The following ARLN variants were observed in gnomAD, a reference collection of about 807,000 sequenced individuals.
The protein encoded by ARLN is sarcoplasmic/endoplasmic reticulum calcium ATPase regulator ARLN.
At chr4:119,302,297 C>T in the ARLN span, among the ~76,000 whole-genome samples, 3 of 152,208 alleles carry the variant, frequency 2.0e-5, no homozygotes, top group Non-Finnish European at 4.4e-5. Context: ...GAGTCAGGAA[C>T]GTCTGCCAGA....
the ARLN span, chr4:119,300,942 T>TC: frequency 5.0e-6 from 4 of 798,932 alleles, no homozygotes; most frequent in Non-Finnish European, 3.8e-6. Flanking sequence ...TCCGTTTGGA[T>TC]CCTTATGCCA....
chr4:119,300,706 G>A, the ARLN span: 2 of 1,528,502 alleles, frequency 1.3e-6, no homozygotes, highest in Non-Finnish European at 1.8e-6. Flanking sequence ...CAGGCGCCTG[G>A]CTCGGCTTTC....
the ARLN span, chr4:119,300,414 T>C: frequency 1.2e-6 from 2 of 1,613,812 alleles, no homozygotes; most frequent in Admixed American, 3.3e-5. Flanking sequence ...GTAGGAGTGT[T>C]TGGGAAGCCC....
chr4:119,298,806 A>G, the ARLN span: 2 of 774,342 alleles, frequency 2.6e-6, no homozygotes, highest in Admixed American at 3.4e-5. Flanking sequence ...TTTGTCAGCA[A>G]TATGTGCTTT....
chr4:119,301,003 G>T, the ARLN span: 1 of 483,572 alleles, frequency 2.1e-6, no homozygotes, highest in Non-Finnish European at 3.6e-6. Flanking sequence ...TCTAGCATTT[G>T]ACACTTAATA....
the ARLN span, chr4:119,300,739 A>T: frequency 3.3e-6 from 5 of 1,510,056 alleles, no homozygotes; most frequent in Non-Finnish European, 4.4e-6. Context: ...GACCGCTGGC[A>T]TGAAGCGCGG....
the ARLN span, among the ~76,000 whole-genome samples, chr4:119,301,138 G>T: frequency 6.7e-6 from 1 of 150,254 alleles, no homozygotes; most frequent in Admixed American, 6.7e-5. Context: ...ACCTGGCCGC[G>T]CCCCCCTGTA....
the ARLN span, chr4:119,300,620 G>A: frequency 2.5e-6 from 4 of 1,596,612 alleles, no homozygotes; most frequent in East Asian, 6.8e-5. Flanking sequence ...CGGAAACTGA[G>A]CGGAGTCCGG....
At chr4:119,300,741 G>C in the ARLN span, 2 of 1,508,862 alleles carry the variant, frequency 1.3e-6, no homozygotes, top group Non-Finnish European at 1.8e-6. Flanking sequence ...CCGCTGGCAT[G>C]AAGCGCGGCC....
chr4:119,304,255 A>T, the ARLN span: 1 of 1,533,660 alleles, frequency 6.5e-7, no homozygotes, highest in Non-Finnish European at 8.7e-7. Context: ...CAATTGTGAA[A>T]ACTTCACATT....
chr4:119,301,858 AT>A, the ARLN span, among the ~76,000 whole-genome samples: 1 of 152,184 alleles, frequency 6.6e-6, no homozygotes, highest in Admixed American at 6.5e-5. Flanking sequence ...CCTTGCTCCA[AT>A]TTGCCTCCAA....
chr4:119,296,721 T>G, the ARLN span: 3 of 152,064 alleles, frequency 2.0e-5, no homozygotes, highest in African/African-American at 7.3e-5. Flanking sequence ...CGCAGTGGAG[T>G]GGGTGGCTCT....
the ARLN span, among the ~76,000 whole-genome samples, chr4:119,301,893 A>G: frequency 6.6e-6 from 1 of 152,254 alleles, no homozygotes; most frequent in Non-Finnish European, 1.5e-5. Context: ...TTTTAGAGAC[A>G]AAGATAGTAT....
At chr4:119,297,085 A>G in the ARLN span, 1 of 152,236 alleles carries the variant, frequency 6.6e-6, no homozygotes, top group East Asian at 1.9e-4. Context: ...TGAAACCATT[A>G]GCAAGCAGTG....
chr4:119,300,473 G>T, the ARLN span: 13 of 1,614,066 alleles, frequency 8.1e-6, no homozygotes, highest in African/African-American at 1.7e-4. Context: ...TCCCTCCCTC[G>T]CTAAAGCCTC....
At chr4:119,298,874 A>G in the ARLN span, 2 of 686,718 alleles carry the variant, frequency 2.9e-6, no homozygotes, top group Non-Finnish European at 5.4e-6. Context: ...AGAAAAGCCT[A>G]GAACATTTCT....
the ARLN span, chr4:119,304,359 G>T: frequency 4.6e-6 from 7 of 1,536,848 alleles, no homozygotes; most frequent in Admixed American, 1.2e-4. Context: ...TGTTTCCATA[G>T]TTTTTTGCCT....
chr4:119,301,241 TAA>T, the ARLN span, among the ~76,000 whole-genome samples: 61,721 of 99,950 alleles, frequency 0.62, 18,088 homozygotes, highest in East Asian at 0.71. Context: ...CCGTCTCTAC[TAA>T]AAAAAAAAAA....
At chr4:119,300,500 A>G in the ARLN span, 29 of 1,614,080 alleles carry the variant, frequency 1.8e-5, no homozygotes, top group South Asian at 2.4e-4. Flanking sequence ...CCCGGAGACC[A>G]TCTCGACCAT....
Sources: gnomAD v4.1 joint callset for allele counts (sites outside exome capture counted in the v4.1 genomes callset) on GRCh38, gnomAD v4.1.1 for gene constraint, MANE v1.5 for transcripts, NCBI Gene and HGNC (gene_info 2026-07-23, HGNC 2026-07-21) for gene names.